The following ALDH1L1 variants were observed in gnomAD, a reference collection of about 807,000 sequenced individuals.
ALDH1L1 encodes cytosolic 10-formyltetrahydrofolate dehydrogenase.
ALDH1L1 carries 68 observed loss-of-function variants against 101.1 expected under a neutral mutation model. That is an observed-to-expected ratio of 0.67 (90% confidence interval 0.55 to 0.82). ALDH1L1 has a LOEUF of 0.82. ALDH1L1 is among the 40% of genes least tolerant of loss of function. The pLI, the probability that ALDH1L1 is intolerant of heterozygous loss-of-function variation, is 0.00. For missense variants in ALDH1L1, 1,087 were observed against 1,172.7 expected, an observed-to-expected ratio of 0.93 and a Z score of 1.07; for synonymous variants, 486 against 470.8, an observed-to-expected ratio of 1.03 and a Z score of -0.42.
intron 1 of ALDH1L1, 81 bp from the exon 2 acceptor site, chr3:126,161,083 A>G (rs1485734014): frequency 1.3e-6 from 2 of 1,506,418 alleles, no homozygotes; most frequent in African/African-American, 2.7e-5. Flanking sequence ...AGGGCAGTTC[A>G]TGGCACCTGG....
intron 3 of ALDH1L1, 64 bp from the exon 4 acceptor site, chr3:126,157,572 C>A (rs1188245964): frequency 1.3e-6 from 2 of 1,557,728 alleles, no homozygotes; most frequent in East Asian, 4.5e-5. Context: ...GTCCTGGGTA[C>A]AGGCCCGTGG....
rs370912743 is a variant in ALDH1L1, at chr3:126,109,949, C to T, written c.2342G>A (p.Arg781Gln). 55 of 1,613,732 alleles carry T rather than the reference C, an allele frequency of 3.4e-5. No homozygotes were observed. The highest frequency in any genetic ancestry group is 4.0e-5 in the African/African-American group (3 of 74,926). ...CCTGACACACTCTGACTCACCTGGC[C>T]GAGGGACCTGATTCCCGCCGCAGAC... ...TLVCGGNQVP[R>Q]PGFFFEPTVF... Residue 781 changes from arginine (R) to glutamine (Q), a missense_variant, in exon 20 of 23, where the codon CGG (arginine) becomes CAG (glutamine). Arg to Gln is a conservative substitution (Grantham distance 43). Around this residue, in one of 2 missense-constraint regions of ALDH1L1, gnomAD observed 442 missense variants for 535.7 expected, o/e 0.83. Transcript: ENST00000393434.
At chr3:126,117,977 C>T in intron 17 of ALDH1L1, 28 bp downstream of exon 17, 1 of 1,595,120 alleles carries the variant, frequency 6.3e-7, no homozygotes, top group Non-Finnish European at 8.6e-7. Context: ...ACAGCAGCCC[C>T]TCCTCTGCTC....
At chr3:126,173,128 ATT>A (rs1322399104) in intron 1 of ALDH1L1, among the ~76,000 whole-genome samples, 1 of 152,210 alleles carries the variant, frequency 6.6e-6, no homozygotes, top group Non-Finnish European at 1.5e-5. Context: ...AAAAAGGAAA[ATT>A]AAACAAGTCA....
intron 16 of ALDH1L1, 106 bp downstream of exon 16, chr3:126,124,258 C>A (rs2080134908): frequency 2.9e-6 from 3 of 1,041,958 alleles, no homozygotes; most frequent in Non-Finnish European, 2.8e-6. Flanking sequence ...CCTGGGCTCT[C>A]CCCAGGCTAC....
intron 21 of ALDH1L1, among the ~76,000 whole-genome samples, chr3:126,106,199 C>T (rs369170644): frequency 1.3e-5 from 2 of 152,150 alleles, no homozygotes; most frequent in Non-Finnish European, 2.9e-5. Flanking sequence ...AGAGAGGGGC[C>T]GCTGGGTCCT....
At position 126,118,079 on chromosome 3, in the gene ALDH1L1, T is replaced by G. The variant is rs1267138153; in HGVS notation, c.1908A>C (p.Arg636Ser). 1.2e-6 allele frequency: 2 copies of G among 1,613,338 alleles called. No homozygotes were observed. The highest frequency in any genetic ancestry group is 3.3e-5 in the Admixed American group (2 of 59,980). The change falls in exon 17 of 23, where the codon AGA becomes AGC. Residue 636 changes from arginine (R) to serine (S), a missense_variant. This residue lies in a region of ALDH1L1 where 442 missense variants were observed against 535.7 expected (regional missense o/e 0.83). Coordinates refer to ENST00000393434, the MANE Select transcript of ALDH1L1 (RefSeq NM_012190.4). ...TCCTCACATCAGGATGGTCTGAGAG[T>G]CTCTGGCCGACCAGGGAGCCTGTGG... ...LPGSGSLVGQ[R>S]LSDHPDVRKI...
intron 18 of ALDH1L1, among the ~76,000 whole-genome samples, chr3:126,114,268 G>A (rs980864123): frequency 1.3e-5 from 2 of 152,124 alleles, no homozygotes; most frequent in African/African-American, 2.4e-5. Flanking sequence ...GAGCTGTGGC[G>A]TGTGTTTCCC....
chr3:126,157,070 T>C (rs2080924772), intron 4 of ALDH1L1, among the ~76,000 whole-genome samples: 1 of 152,194 alleles, frequency 6.6e-6, no homozygotes, highest in African/African-American at 2.4e-5. Flanking sequence ...GCCTTTAGCC[T>C]TCCTTGTCTA....
intron 1 of ALDH1L1, among the ~76,000 whole-genome samples, chr3:126,187,141 G>C (rs2108352251): frequency 6.6e-6 from 1 of 152,276 alleles, no homozygotes; most frequent in African/African-American, 2.4e-5. Context: ...ACGGGGAAAG[G>C]CTGTAATGAG....
At chr3:126,124,238 C>T (rs186837351) in intron 16 of ALDH1L1, 126 bp downstream of exon 16, 2 of 805,932 alleles carry the variant, frequency 2.5e-6, no homozygotes, top group Admixed American at 5.8e-5. Context: ...TTGTCACAGG[C>T]TGGCCCCCGC....
chr3:126,104,245 C>T lies in ALDH1L1; in HGVS notation c.2654-399G>A, dbSNP rs146896265. ...CTGTGGCTGGGAAAAGGGGATGCCT[C>T]GCAGGGCCCTGAGGCCCCAGGCCTT... is the stretch of plus-strand genomic sequence containing the variant. On this transcript the variant is annotated intron_variant, in intron 22 of 22. Coordinates refer to ENST00000393434, the MANE Select transcript of ALDH1L1 (RefSeq NM_012190.4). 2.3e-3 allele frequency: 565 copies of T among 241,900 alleles called. 11 individuals are homozygous for T. In the Admixed American group the frequency reaches 0.025, roughly 11 times the overall value. 15.0% of individuals were successfully genotyped at this position (241,900 alleles called of 1,614,324 possible).
At position 126,147,534 on chromosome 3, in the gene ALDH1L1, T is replaced by A. The variant is rs1045698869; in HGVS notation, c.985-608A>T. The stretch of plus-strand genomic sequence containing the variant: ...CAGCTGGCCCTGTGGATGTGGGTGC[T>A]CAGCTCCCACTAAGGCACCCAGTAA... On this transcript the variant is annotated intron_variant, in intron 8 of 22. Transcript: ENST00000393434. 3.9e-5 allele frequency among the ~76,000 whole-genome samples: 6 copies of A among 152,298 alleles called. No individual in the cohort carries two copies. The East Asian group carries it at 1.2e-3, about 29-fold the overall frequency.
intron 7 of ALDH1L1, 44 bp from the exon 8 acceptor site, chr3:126,150,575 G>A (rs1359137524): frequency 1.3e-6 from 2 of 1,528,820 alleles, no homozygotes; most frequent in African/African-American, 2.8e-5. Flanking sequence ...CTTTTTTTGA[G>A]ACAGAGTCTT....
At position 126,146,431 on chromosome 3, in the gene ALDH1L1, C is replaced by T. The variant is rs114287293; in HGVS notation, c.1076+404G>A. ...ATCAGCTGAGCCCAGCACAAACTGT[C>T]GAACCATAGTACTGTGAGCTAAGGA... is the stretch of plus-strand genomic sequence containing the variant. On this transcript the variant is annotated intron_variant, in intron 9 of 22. Coordinates refer to ENST00000393434, the MANE Select transcript of ALDH1L1 (RefSeq NM_012190.4). 7.5e-3 allele frequency among the ~76,000 whole-genome samples: 1,148 copies of T among 152,246 alleles called. 11 individuals carry two copies. The highest frequency in any genetic ancestry group is 0.027 in the African/African-American group (1,108 of 41,528).
At chr3:126,116,717 G>C (rs2079979028) in intron 17 of ALDH1L1, among the ~76,000 whole-genome samples, 1 of 152,206 alleles carries the variant, frequency 6.6e-6, no homozygotes, top group African/African-American at 2.4e-5. Flanking sequence ...GCTGGGGCAG[G>C]CTCCAGTGTC....
Position 126,137,855 on chromosome 3 carries a change from C to T in ALDH1L1, c.1182G>A (p.Lys394=). Residue 394 remains lysine, a synonymous_variant, in exon 10 of 23, where the codon AAG becomes AAA. Coordinates refer to ENST00000393434, the MANE Select transcript of ALDH1L1 (RefSeq NM_012190.4). ...FGDFIQLLVR[K]LRGDDEEGEC... is the part of the protein sequence containing the mutation. The stretch of plus-strand genomic sequence containing the variant: ...CGCCCTCCTCATCGTCCCCTCGCAG[C>T]TTCCTCACTAACAGCTGGATGAAGT... 1.2e-6 allele frequency: 2 copies of T among 1,614,234 alleles called. No individual in the cohort carries two copies. Among genetic ancestry groups the T allele is most frequent in the South Asian group, 1.1e-5 (1 of 91,074 alleles).
chr3:126,179,268 A>C (rs1377530845), intron 1 of ALDH1L1, among the ~76,000 whole-genome samples: 1 of 152,236 alleles, frequency 6.6e-6, no homozygotes, highest in Admixed American at 6.5e-5. Context: ...TTCCCAGCCC[A>C]GGCTTGGCTC....
At chr3:126,135,356 C>G (rs1422483941) in intron 12 of ALDH1L1, 179 bp downstream of exon 12, 10 of 723,124 alleles carry the variant, frequency 1.4e-5, no homozygotes, top group Admixed American at 7.7e-5. Flanking sequence ...CTCTGAGAAG[C>G]CTTTTCTGAG....
Sources: allele counts gnomAD v4.1 joint callset (sites outside exome capture counted in the v4.1 genomes callset), GRCh38; gene constraint gnomAD v4.1.1; regional missense constraint gnomAD v4.1.1; transcripts MANE v1.5; gene names NCBI Gene and HGNC (gene_info 2026-07-23, HGNC 2026-07-21).